Variants in ZNF407 observed in about 807,000 individuals in gnomAD.
ZNF407 encodes zinc finger protein 407.
In ZNF407, 17 loss-of-function variants were observed where a neutral mutation model predicts 131.2. The observed-to-expected ratio is 0.13, with a 90% CI of 0.09 to 0.19. ZNF407 has a LOEUF of 0.19. Ranked by LOEUF, ZNF407 falls within the 10% of genes least tolerant of loss-of-function variation. The probability of loss-of-function intolerance (pLI) is 1.00; values close to 1 mark genes in which losing one functional copy is unlikely to be tolerated. For synonymous variants in ZNF407, 1,156 were observed against 1,062.0 expected (o/e 1.09, Z -1.72); for missense variants, 2,681 against 2,830.6 (o/e 0.95, Z 1.20).
At chr18:74,731,437 G>C (rs961285165) in intron 3 of ZNF407, among the ~76,000 whole-genome samples, 2 of 152,056 alleles carry the variant, frequency 1.3e-5, no homozygotes, top group African/African-American at 4.8e-5. Flanking sequence ...CAAACTAAAT[G>C]GTTCACCTAC....
chr18:74,617,091 GCACCAACACATCCATATCCACACACCACA>G (rs1568315219), intron 1 of ZNF407, among the ~76,000 whole-genome samples: 2 of 284 alleles, frequency 7.0e-3, no homozygotes, highest in Non-Finnish European at 7.6e-3. Flanking sequence ...CCATATCCAT[GCACCAACACATCCATATCCACACACCACA>G]CACATCCATA....
At chr18:74,652,702 C>G (rs1985282113) in intron 3 of ZNF407, among the ~76,000 whole-genome samples, 1 of 151,882 alleles carries the variant, frequency 6.6e-6, no homozygotes, top group Admixed American at 6.6e-5. Context: ...TCCCGAGGTG[C>G]TTCCTCCCTT....
intron 4 of ZNF407, among the ~76,000 whole-genome samples, chr18:74,876,781 G>C (rs1971162819): frequency 6.6e-6 from 1 of 152,220 alleles, no homozygotes; most frequent in Non-Finnish European, 1.5e-5. Context: ...GCATGCAGGA[G>C]AGGCCCTGCT....
intron 4 of ZNF407, among the ~76,000 whole-genome samples, chr18:74,853,740 C>A (rs1203352443): frequency 6.6e-6 from 1 of 152,048 alleles, no homozygotes; most frequent in Non-Finnish European, 1.5e-5. Context: ...ATCTGTCCAT[C>A]CCCACTGTGT....
chr18:74,648,102 G>A (rs1760694499), intron 3 of ZNF407, among the ~76,000 whole-genome samples: 2 of 152,160 alleles, frequency 1.3e-5, no homozygotes, highest in Admixed American at 1.3e-4. Flanking sequence ...TTAGTCTTTA[G>A]GGTTAAAAAG....
chr18:74,601,052 CAGTT>C (rs1194474503), intron 1 of ZNF407, among the ~76,000 whole-genome samples: 7 of 152,104 alleles, frequency 4.6e-5, no homozygotes, highest in African/African-American at 1.7e-4. Context: ...TGTACATGCT[CAGTT>C]AGTGGAGTGG....
intron 4 of ZNF407, among the ~76,000 whole-genome samples, chr18:74,836,297 GA>G (rs1186515439): frequency 6.6e-6 from 1 of 152,060 alleles, no homozygotes; most frequent in Non-Finnish European, 1.5e-5. Context: ...TTCCTCCGTG[GA>G]GCACTTATAA....
rs557576363 is a variant in ZNF407 at position 75,004,817 on chromosome 18, C to T, written c.5429-58333C>T. Among the ~76,000 whole-genome samples the T allele has an allele frequency of 2.0e-5, 3 of 152,212 alleles. No individual in the cohort carries two copies. In the East Asian group the frequency reaches 5.8e-4, roughly 29 times the overall value. On this transcript the variant is annotated intron_variant, in intron 8 of 8. Coordinates refer to ENST00000299687, the MANE Select transcript of ZNF407 (RefSeq NM_017757.3). ...TGTTGCAAAGTCTTTCAAAGTAGTC[C>T]CAAGTGCTTTCCTTAGCTACCCCTC...
At chr18:74,614,543 T>C (rs889525041) in intron 1 of ZNF407, among the ~76,000 whole-genome samples, 1 of 152,190 alleles carries the variant, frequency 6.6e-6, no homozygotes, top group Admixed American at 6.5e-5. Context: ...TCAGTGGATA[T>C]TCGTTTTTTT....
At chr18:75,042,059 T>C (rs1184407274) in intron 8 of ZNF407, among the ~76,000 whole-genome samples, 1 of 138,172 alleles carries the variant, frequency 7.2e-6, no homozygotes, top group African/African-American at 2.9e-5. Context: ...ATTTCTTTCC[T>C]TTTTTTTTTT....
chr18:74,624,790 C>T (rs1051344275), intron 1 of ZNF407, among the ~76,000 whole-genome samples: 37 of 152,340 alleles, frequency 2.4e-4, no homozygotes, highest in Admixed American at 1.7e-3. Context: ...TTTGCCAGAT[C>T]GCTGCCTTCT....
intron 5 of ZNF407, among the ~76,000 whole-genome samples, chr18:74,878,770 G>A (rs865895413): frequency 1.3e-5 from 2 of 151,790 alleles, no homozygotes; most frequent in South Asian, 2.1e-4. Context: ...AATAGGGCAT[G>A]CTGAATGAAC....
chr18:74,732,420 A>G (rs948843476), intron 3 of ZNF407, among the ~76,000 whole-genome samples: 3 of 152,306 alleles, frequency 2.0e-5, no homozygotes, highest in East Asian at 1.9e-4. Context: ...GGGTATCAAC[A>G]AAAGCTAATA....
At chr18:74,612,125 A>T (rs1204216500) in intron 1 of ZNF407, among the ~76,000 whole-genome samples, 1 of 152,162 alleles carries the variant, frequency 6.6e-6, no homozygotes, top group Non-Finnish European at 1.5e-5. Flanking sequence ...CTCAAGGGGG[A>T]AAAAAGCTAC....
intron 8 of ZNF407, among the ~76,000 whole-genome samples, chr18:74,993,667 A>G (rs902779231): frequency 1.3e-5 from 2 of 152,224 alleles, no homozygotes; most frequent in Non-Finnish European, 2.9e-5. Flanking sequence ...GTTTGAAGCT[A>G]AACTGTTAAG....
In ZNF407 at chr18:74,622,926, GTGAA is replaced by G. The variant is rs139440528; in HGVS notation, c.-53-8038_-53-8035del. 5.1e-4 allele frequency among the ~76,000 whole-genome samples: 78 copies of G among 152,098 alleles called. 1 individual carries two copies. The East Asian group carries it at 8.7e-3, about 17-fold the overall frequency. ...TTTTAGTGTGTGAATGTCAGTATCT[GTGAA>G]TGTGTGTGTATATATCTGTGTGTCA... On this transcript the variant is annotated intron_variant, in intron 1 of 8. Transcript: ENST00000299687.
chr18:74,777,757 C>G (rs1212581029), intron 3 of ZNF407, among the ~76,000 whole-genome samples: 1 of 140,418 alleles, frequency 7.1e-6, no homozygotes, highest in East Asian at 2.3e-4. Context: ...CTCTCATTCA[C>G]TCAAAACAGA....
chr18:74,812,340 A>G (rs927046023), intron 4 of ZNF407, among the ~76,000 whole-genome samples: 7 of 152,256 alleles, frequency 4.6e-5, no homozygotes, highest in Non-Finnish European at 7.3e-5. Context: ...CAAATTGCTT[A>G]CAATGACTTC....
chr18:74,622,987 TGA>T (rs1290019139), intron 1 of ZNF407, among the ~76,000 whole-genome samples: 1 of 152,078 alleles, frequency 6.6e-6, no homozygotes, highest in East Asian at 1.9e-4. Flanking sequence ...AGTGTGAATG[TGA>T]GTCCGTGTGT....
Sources: gnomAD v4.1 joint callset for allele counts (sites outside exome capture counted in the v4.1 genomes callset) on GRCh38, gnomAD v4.1.1 for gene constraint, MANE v1.5 for transcripts, NCBI Gene and HGNC (gene_info 2026-07-23, HGNC 2026-07-21) for gene names.